The following GALNTL6 variants were observed in gnomAD, a reference collection of about 807,000 sequenced individuals.
GALNTL6 encodes polypeptide N-acetylgalactosaminyltransferase like 6.
In GALNTL6, 46 loss-of-function variants were observed where a neutral mutation model predicts 73.7. That is an observed-to-expected ratio of 0.62 (90% confidence interval 0.49 to 0.80). The LOEUF is 0.80. Ranked by LOEUF, GALNTL6 falls within the 30% of genes least tolerant of loss-of-function variation. The pLI, the probability that GALNTL6 is intolerant of heterozygous loss-of-function variation, is 0.00. For missense variants in GALNTL6, 604 were observed against 755.0 expected (o/e 0.80, Z 2.34); for synonymous variants, 259 against 263.7 (o/e 0.98, Z 0.17).
chr4:172,571,950 C>T (rs931393450), intron 5 of GALNTL6, among the ~76,000 whole-genome samples: 2 of 152,150 alleles, frequency 1.3e-5, no homozygotes, highest in Non-Finnish European at 2.9e-5. Context: ...CCTTCCTGAT[C>T]CTCCTTGAAT....
chr4:172,812,545 T>C (rs1168576225), intron 6 of GALNTL6, among the ~76,000 whole-genome samples: 4 of 151,978 alleles, frequency 2.6e-5, no homozygotes, highest in Non-Finnish European at 5.9e-5. Flanking sequence ...GCCAGTGCCC[T>C]TTGCCAGCTG....
At chr4:172,657,090 G>A (rs138925338) in intron 5 of GALNTL6, among the ~76,000 whole-genome samples, 22 of 152,296 alleles carry the variant, frequency 1.4e-4, no homozygotes, top group African/African-American at 4.8e-4. Flanking sequence ...TGATTTCACT[G>A]TGGACTTGTT....
At chr4:172,290,411 T>G (rs1394541451) in intron 3 of GALNTL6, among the ~76,000 whole-genome samples, 4 of 152,150 alleles carry the variant, frequency 2.6e-5, no homozygotes, top group Non-Finnish European at 5.9e-5. Flanking sequence ...AGTTTATGTC[T>G]GTTTTCTTAG....
chr4:171,957,618 G>A lies in GALNTL6; in HGVS notation c.138+142900G>A, dbSNP rs1284588539. ...TGTTGTCTAGTTATCAACGCATTGC[G>A]GCATTTTAAGAATATATTAATTAGG... On this transcript the variant is annotated intron_variant, in intron 2 of 12. Transcript: ENST00000506823. Among the ~76,000 whole-genome samples, 5 of 152,226 alleles carry A rather than the reference G, an allele frequency of 3.3e-5. No individual in the cohort carries two copies. The South Asian group carries it at 6.2e-4, about 19-fold the overall frequency.
At chr4:172,733,431 A>T (rs1449541448) in intron 5 of GALNTL6, among the ~76,000 whole-genome samples, 1 of 152,052 alleles carries the variant, frequency 6.6e-6, no homozygotes, top group Non-Finnish European at 1.5e-5. Flanking sequence ...TCCCTGCCGA[A>T]ATCTCGTCTT....
intron 5 of GALNTL6, among the ~76,000 whole-genome samples, chr4:172,359,608 G>C (rs916416500): frequency 6.6e-6 from 1 of 152,106 alleles, no homozygotes; most frequent in Admixed American, 6.6e-5. Context: ...ACCCCTACTG[G>C]AGGTATGAAT....
intron 7 of GALNTL6, among the ~76,000 whole-genome samples, chr4:172,843,382 C>T (rs1743323196): frequency 6.6e-6 from 1 of 152,162 alleles, no homozygotes; most frequent in Non-Finnish European, 1.5e-5. Context: ...GCTGTAAGGC[C>T]TCTCATGATC....
At chr4:172,641,831 T>C (rs189967863) in intron 5 of GALNTL6, among the ~76,000 whole-genome samples, 17 of 152,238 alleles carry the variant, frequency 1.1e-4, no homozygotes, top group Non-Finnish European at 2.4e-4. Flanking sequence ...CCCTGATATA[T>C]TCAAATTCCT....
intron 2 of GALNTL6, among the ~76,000 whole-genome samples, chr4:171,832,658 A>G (rs1484447213): frequency 6.6e-6 from 1 of 151,782 alleles, no homozygotes; most frequent in African/African-American, 2.4e-5. Flanking sequence ...ACATCATATT[A>G]TTCCCTGGTT....
At chr4:172,343,712 G>T (rs187839345) in intron 4 of GALNTL6, among the ~76,000 whole-genome samples, 44 of 151,996 alleles carry the variant, frequency 2.9e-4, no homozygotes, top group African/African-American at 1.0e-3. Context: ...AAAAACAGAA[G>T]AATATGAGAA....
intron 4 of GALNTL6, among the ~76,000 whole-genome samples, chr4:172,327,128 CTT>C (rs1740970722): frequency 6.6e-6 from 1 of 151,876 alleles, no homozygotes; most frequent in South Asian, 2.1e-4. Flanking sequence ...ACATAATTAT[CTT>C]TTCTGTTGCT....
At chr4:171,968,027 C>T (rs1739440508) in intron 2 of GALNTL6, among the ~76,000 whole-genome samples, 1 of 152,142 alleles carries the variant, frequency 6.6e-6, no homozygotes, top group Admixed American at 6.5e-5. Flanking sequence ...CCGGTGCGAT[C>T]TTCTTACTCA....
intron 2 of GALNTL6, among the ~76,000 whole-genome samples, chr4:172,057,176 G>A (rs1731040132): frequency 6.6e-6 from 1 of 152,006 alleles, no homozygotes; most frequent in Non-Finnish European, 1.5e-5. Context: ...GGAAGGTTGA[G>A]GCTGACACAT....
At chr4:172,855,803 G>C (rs1475796548) in intron 7 of GALNTL6, among the ~76,000 whole-genome samples, 2 of 152,174 alleles carry the variant, frequency 1.3e-5, no homozygotes, top group Non-Finnish European at 1.5e-5. Context: ...GTTGCACCCT[G>C]GAGCTTGAGT....
In GALNTL6 at chr4:172,788,671, C is replaced by CAAAAA. The variant is rs36046571; in HGVS notation, c.554-20674_554-20670dup. 2.8e-3 allele frequency among the ~76,000 whole-genome samples: 218 copies of CAAAAA among 78,270 alleles called. 1 individual carries two copies. The highest frequency in any genetic ancestry group is 4.4e-3 in the Non-Finnish European group (187 of 42,170). 51.3% of individuals were successfully genotyped at this position (78,270 alleles called of 152,430 possible). ...TGAGGGACAGGGCAAGACTCCGTCT[C>CAAAAA]AAAAAAAAAAAAAAAAAAAAGATAG... On this transcript the variant is annotated intron_variant, in intron 5 of 12. Coordinates refer to ENST00000506823, the MANE Select transcript of GALNTL6 (RefSeq NM_001034845.3).
At chr4:172,138,326 GTTA>G (rs1217874758) in intron 2 of GALNTL6, among the ~76,000 whole-genome samples, 7 of 149,466 alleles carry the variant, frequency 4.7e-5, no homozygotes, top group Non-Finnish European at 7.4e-5. Flanking sequence ...GGTGTTACAT[GTTA>G]TTATATTACT....
rs548113905 is a variant in GALNTL6, at chr4:172,514,926, C to T, written c.553+166237C>T. ...TCACTGGCAGACTTTCCCCCTCTCACACCTTGGACACTCCCAGTTTTTTGG... is the reference window on the plus strand; with the variant it reads ...TCACTGGCAGACTTTCCCCCTCTCATACCTTGGACACTCCCAGTTTTTTGG... On this transcript the variant is annotated intron_variant, in intron 5 of 12. Transcript: ENST00000506823. 2.0e-5 allele frequency among the ~76,000 whole-genome samples: 3 copies of T among 152,344 alleles called. No homozygotes were observed. In the South Asian group the frequency reaches 6.2e-4, roughly 32 times the overall value.
chr4:172,869,193 A>T (rs1404237435), intron 7 of GALNTL6, among the ~76,000 whole-genome samples: 8 of 152,250 alleles, frequency 5.3e-5, no homozygotes, highest in African/African-American at 1.7e-4. Flanking sequence ...ATTCTACTGC[A>T]AATAATTTCT....
chr4:171,985,945 G>A (rs1740059664), intron 2 of GALNTL6, among the ~76,000 whole-genome samples: 1 of 144,162 alleles, frequency 6.9e-6, no homozygotes, highest in Non-Finnish European at 1.5e-5. Flanking sequence ...GGCTGAGGCA[G>A]GAGAATTGCT....
Sources: gnomAD v4.1 joint callset for allele counts (sites outside exome capture counted in the v4.1 genomes callset) on GRCh38, gnomAD v4.1.1 for gene constraint, MANE v1.5 for transcripts, NCBI Gene and HGNC (gene_info 2026-07-23, HGNC 2026-07-21) for gene names.